Variants in PSMF1 observed in about 807,000 individuals in gnomAD.
The protein encoded by PSMF1 is proteasome inhibitor subunit 1, also known as proteasome inhibitor PI31 subunit.
Under a neutral mutation model 29.3 loss-of-function variants are expected in PSMF1, and 30 were observed. The ratio of observed to expected loss-of-function variants is 1.02; its 90% CI spans 0.77 to 1.39. The LOEUF is 1.39. Ranked by LOEUF, PSMF1 falls within the 40% of genes most tolerant of loss-of-function variation. The pLI is 0.00. For synonymous variants in PSMF1, 134 were observed against 139.7 expected (o/e 0.96, Z 0.29); for missense variants, 344 against 357.5 (o/e 0.96, Z 0.31).
At chr20:1,146,817 G>C (rs929679682) in intron 4 of PSMF1, among the ~76,000 whole-genome samples, 4 of 152,156 alleles carry the variant, frequency 2.6e-5, no homozygotes, top group African/African-American at 9.7e-5. Flanking sequence ...CTGTGTCAAA[G>C]GTTTTGTAGG....
At chr20:1,118,957 A>G in intron 1 of PSMF1, 55 bp downstream of exon 1, 2 of 1,592,810 alleles carry the variant, frequency 1.3e-6, no homozygotes, top group South Asian at 1.1e-5. Flanking sequence ...GCCCAAACTC[A>G]GAGTACCGGA....
chr20:1,146,262 T>C (rs1190351156), intron 4 of PSMF1, among the ~76,000 whole-genome samples: 1 of 152,188 alleles, frequency 6.6e-6, no homozygotes, highest in African/African-American at 2.4e-5. Flanking sequence ...TTTCTGCCTT[T>C]TCATGTGTCT....
At chr20:1,127,939 A>T (rs1345150780) in intron 3 of PSMF1, among the ~76,000 whole-genome samples, 1 of 152,222 alleles carries the variant, frequency 6.6e-6, no homozygotes. Context: ...CTGCTCCCAT[A>T]CACCCACAGT....
chr20:1,119,316 C>T (rs1239214692), intron 1 of PSMF1, among the ~76,000 whole-genome samples: 2 of 152,178 alleles, frequency 1.3e-5, no homozygotes, highest in East Asian at 1.9e-4. Context: ...GTTCCGCCCT[C>T]ATACCACAGT....
Position 1,171,385 on chromosome 20 carries a change from C to T in PSMF1, c.*6305C>T, listed in dbSNP as rs999185619. Among the ~76,000 whole-genome samples the T allele has an allele frequency of 7.9e-5, 12 of 152,168 alleles. No homozygotes were observed. Among genetic ancestry groups the T allele is most frequent in the African/African-American group, 2.9e-4 (12 of 41,450 alleles). ...CGGGCTCTCTGCTGGGCTCTGTCAC[C>T]TGGCTCCATGTGCTGCTCACCTCGG... On this transcript the variant is annotated 3_prime_UTR_variant, in exon 7 of 7. Transcript: ENST00000335877.
intron 1 of PSMF1, among the ~76,000 whole-genome samples, chr20:1,124,836 T>C (rs1039229244): frequency 1.3e-5 from 2 of 152,254 alleles, no homozygotes; most frequent in Non-Finnish European, 2.9e-5. Flanking sequence ...TTTTTATGGT[T>C]GCATGTATAG....
At chr20:1,161,193 A>T in intron 4 of PSMF1, 1 of 325,566 alleles carries the variant, frequency 3.1e-6, no homozygotes, top group Non-Finnish European at 6.1e-6. Context: ...CAAGCGGGAG[A>T]TCATGCGTGA....
intron 4 of PSMF1, chr20:1,160,550 A>C (rs1248024010): frequency 4.6e-6 from 2 of 436,692 alleles, no homozygotes; most frequent in East Asian, 1.4e-4. Flanking sequence ...ATGTCTTCCC[A>C]CCGCTCTGCC....
At chr20:1,117,414 T>G (rs1361362464), upstream of PSMF1, among the ~76,000 whole-genome samples, 1 of 151,862 alleles carries the variant, frequency 6.6e-6, no homozygotes, top group South Asian at 2.1e-4. Context: ...CTTGGCTCAC[T>G]GCAACCTCCA....
intron 4 of PSMF1, among the ~76,000 whole-genome samples, chr20:1,137,697 A>C (rs867678769): frequency 1.2e-4 from 19 of 152,226 alleles, no homozygotes; most frequent in African/African-American, 4.1e-4. Flanking sequence ...CCTTGTTTGG[A>C]TCTTGATTCA....
chr20:1,152,613 T>C (rs933742535), intron 4 of PSMF1, among the ~76,000 whole-genome samples: 2 of 152,150 alleles, frequency 1.3e-5, no homozygotes, highest in Non-Finnish European at 2.9e-5. Flanking sequence ...AAAAACAAAA[T>C]AACCCTCTGG....
At position 1,166,341 on chromosome 20, in the gene PSMF1, G is replaced by T; in HGVS notation, c.*1261G>T. 7.4e-7 allele frequency: 1 copy of T among 1,351,608 alleles called. No homozygotes were observed. Among genetic ancestry groups the T allele is most frequent in the Non-Finnish European group, 1.0e-6 (1 of 956,472 alleles). The allele number at this position is 1,351,608 out of a possible 1,614,324, so 83.7% of individuals were successfully genotyped here. On this transcript the variant is annotated 3_prime_UTR_variant, in exon 7 of 7. Transcript: ENST00000335877. ...AGGCGGTAGTCACTTCCGCTCTGCA[G>T]CTAGCATTTCAACCATATGTGGATC...
At chr20:1,161,627 C>G in intron 4 of PSMF1, 1 of 674,090 alleles carries the variant, frequency 1.5e-6, no homozygotes, top group Non-Finnish European at 2.8e-6. Context: ...GTCCACCTTC[C>G]AGCAGATGTG....
chr20:1,166,196 T>A lies in PSMF1; in HGVS notation c.*1116T>A, dbSNP rs200269898. On this transcript the variant is annotated 3_prime_UTR_variant, in exon 7 of 7. Transcript: ENST00000335877. ...CCTGCACCTTGTGTCCTGGCCCACC[T>A]GACCTTTGGTGTTCTCCGGATCCTT... 3,321 of 1,611,524 alleles carry A rather than the reference T, an allele frequency of 2.1e-3. 11 individuals are homozygous for A. The highest frequency in any genetic ancestry group is 2.3e-3 in the Non-Finnish European group (2,763 of 1,179,392).
chr20:1,156,540 A>G (rs912782665), intron 4 of PSMF1, among the ~76,000 whole-genome samples: 5 of 152,232 alleles, frequency 3.3e-5, no homozygotes, highest in Non-Finnish European at 5.9e-5. Context: ...TTAAAAAGAA[A>G]CAAGAATTTG....
chr20:1,134,932 G>A (rs556127130), intron 3 of PSMF1, 189 bp from the exon 4 acceptor site: 27 of 687,004 alleles, frequency 3.9e-5, no homozygotes, highest in African/African-American at 3.2e-4. Context: ...CCAAATCTCA[G>A]AGACAGCGTG....
Position 1,150,331 on chromosome 20 carries a change from T to A in PSMF1, c.552-12799T>A, listed in dbSNP as rs1331235103. On this transcript the variant is annotated intron_variant, in intron 4 of 6. Coordinates refer to ENST00000335877, the MANE Select transcript of PSMF1 (RefSeq NM_006814.5). Reference sequence around the variant, plus strand: ...GTGAAGCTGGATGTGGGTGAGTGAGTGGTAAGGGAGGGTGCAATAACGGCC... The same window carrying A: ...GTGAAGCTGGATGTGGGTGAGTGAGAGGTAAGGGAGGGTGCAATAACGGCC... 2.0e-5 allele frequency among the ~76,000 whole-genome samples: 3 copies of A among 151,986 alleles called. No homozygotes were observed. In the East Asian group the frequency reaches 5.8e-4, roughly 29 times the overall value.
chr20:1,148,049 C>G (rs2086477698), intron 4 of PSMF1, among the ~76,000 whole-genome samples: 1 of 152,184 alleles, frequency 6.6e-6, no homozygotes. Context: ...CTTGTTTTGC[C>G]TCTCTCACAC....
At chr20:1,160,091 A>T (rs903439830) in intron 4 of PSMF1, among the ~76,000 whole-genome samples, 1 of 152,052 alleles carries the variant, frequency 6.6e-6, no homozygotes, top group African/African-American at 2.4e-5. Context: ...GCATTACGGA[A>T]AAAACAGGAA....
Sources: allele counts gnomAD v4.1 joint callset (sites outside exome capture counted in the v4.1 genomes callset), GRCh38; gene constraint gnomAD v4.1.1; transcripts MANE v1.5; gene names NCBI Gene and HGNC (gene_info 2026-07-23, HGNC 2026-07-21).